Variants in AGBL1 observed in about 807,000 individuals in gnomAD.
AGBL1 encodes the protein AGBL carboxypeptidase 1.
In AGBL1, 130 loss-of-function variants were observed where a neutral mutation model predicts 118.9. The ratio of observed to expected loss-of-function variants is 1.09; its 90% confidence interval spans 0.95 to 1.26. The LOEUF is 1.26. AGBL1 is among the 50% of genes most tolerant of loss of function. AGBL1 has a pLI of 0.00. For missense variants in AGBL1, 1,584 were observed against 1,298.1 expected, an observed-to-expected ratio of 1.22 and a Z score of -3.38; for synonymous variants, 555 against 478.9, an observed-to-expected ratio of 1.16 and a Z score of -2.08.
intron 1 of AGBL1, among the ~76,000 whole-genome samples, chr15:86,114,631 C>T (rs533410639): frequency 1.3e-5 from 2 of 152,028 alleles, no homozygotes; most frequent in Non-Finnish European, 2.9e-5. Flanking sequence ...TTTTTTTCAC[C>T]GATGTCACAA....
chr15:86,754,221 T>C (rs1294681044), intron 22 of AGBL1, among the ~76,000 whole-genome samples: 1 of 152,176 alleles, frequency 6.6e-6, no homozygotes, highest in Non-Finnish European at 1.5e-5. Flanking sequence ...GGATTCGTGC[T>C]TACTCCAAGT....
At chr15:86,361,902 A>G (rs926490895) in intron 17 of AGBL1, among the ~76,000 whole-genome samples, 6 of 152,098 alleles carry the variant, frequency 3.9e-5, no homozygotes, top group Non-Finnish European at 8.8e-5. Context: ...TCATTCAGCC[A>G]TTCTATGTCT....
At chr15:86,480,237 GTAAC>G (rs1431875520) in intron 18 of AGBL1, among the ~76,000 whole-genome samples, 1 of 152,038 alleles carries the variant, frequency 6.6e-6, no homozygotes. Context: ...ATAAAAAAGA[GTAAC>G]TATGTGAAGT....
intron 5 of AGBL1, among the ~76,000 whole-genome samples, chr15:86,189,861 G>C (rs896602863): frequency 6.6e-6 from 1 of 152,190 alleles, no homozygotes; most frequent in Non-Finnish European, 1.5e-5. Flanking sequence ...TTTGTAGAGA[G>C]CATGTATATC....
At chr15:86,452,964 A>G (rs1264347727) in intron 18 of AGBL1, among the ~76,000 whole-genome samples, 1 of 152,144 alleles carries the variant, frequency 6.6e-6, no homozygotes, top group African/African-American at 2.4e-5. Context: ...ATTGTCTGAT[A>G]TTATAAAGTG....
At chr15:86,906,512 C>T (rs1384552611) in intron 22 of AGBL1, among the ~76,000 whole-genome samples, 1 of 152,166 alleles carries the variant, frequency 6.6e-6, no homozygotes, top group Non-Finnish European at 1.5e-5. Flanking sequence ...CTACTATAAA[C>T]CATTCATCAT....
chr15:86,924,001 A>G (rs573064733), intron 23 of AGBL1, among the ~76,000 whole-genome samples: 166 of 152,384 alleles, frequency 1.1e-3, no homozygotes, highest in African/African-American at 3.6e-3. Context: ...TAGCATATAT[A>G]CATACAAAAG....
intron 18 of AGBL1, among the ~76,000 whole-genome samples, chr15:86,399,035 T>C (rs1051991462): frequency 2.0e-5 from 3 of 152,110 alleles, no homozygotes; most frequent in Admixed American, 1.3e-4. Context: ...GCAGAGAATG[T>C]TGGGCAGAGA....
intron 22 of AGBL1, among the ~76,000 whole-genome samples, chr15:86,781,151 A>AT (rs941750673): frequency 2.6e-5 from 4 of 151,808 alleles, no homozygotes; most frequent in African/African-American, 4.8e-5. Context: ...ATAGAGATGA[A>AT]TTTTTTTTCA....
chr15:86,770,268 T>C (rs1451438107), intron 22 of AGBL1, among the ~76,000 whole-genome samples: 4 of 151,940 alleles, frequency 2.6e-5, no homozygotes, highest in African/African-American at 9.7e-5. Context: ...GTGGAACAGA[T>C]ACATAAATAA....
In AGBL1 at chr15:86,090,106, C is replaced by T. The variant is rs376483337; in HGVS notation, c.51+10083C>T. ...CAACAATCCTATGAGGAATATATGGCTACTTTCCCCATTTTATAGATAAAG... is the reference window on the plus strand; with the variant it reads ...CAACAATCCTATGAGGAATATATGGTTACTTTCCCCATTTTATAGATAAAG... On this transcript the variant is annotated intron_variant, in intron 1 of 22. Coordinates refer to ENST00000614907, the MANE Select transcript of AGBL1 (RefSeq NM_001386094.1). Among the ~76,000 whole-genome samples, 16 of 152,308 alleles carry T rather than the reference C, an allele frequency of 1.1e-4. No individual in the cohort carries two copies. The East Asian group carries it at 2.9e-3, about 28-fold the overall frequency.
At chr15:86,865,275 G>T (rs2079610176) in intron 22 of AGBL1, among the ~76,000 whole-genome samples, 1 of 152,178 alleles carries the variant, frequency 6.6e-6, no homozygotes, top group South Asian at 2.1e-4. Flanking sequence ...TATAGAAGAG[G>T]AATCAGAAAA....
chr15:86,305,660 C>A (rs1427233118), intron 17 of AGBL1, among the ~76,000 whole-genome samples: 2 of 152,140 alleles, frequency 1.3e-5, no homozygotes, highest in African/African-American at 4.8e-5. Context: ...TATTACTACT[C>A]CTCAGACAAT....
intron 22 of AGBL1, among the ~76,000 whole-genome samples, chr15:86,798,756 G>C (rs1001819297): frequency 2.7e-5 from 4 of 149,304 alleles, no homozygotes; most frequent in Non-Finnish European, 5.9e-5. Flanking sequence ...CTAGGTTGAG[G>C]AGCCCAGAGT....
chr15:86,936,288 G>A (rs951227240), intron 23 of AGBL1, among the ~76,000 whole-genome samples: 2 of 152,070 alleles, frequency 1.3e-5, no homozygotes, highest in African/African-American at 4.8e-5. Flanking sequence ...GAAAGAGAGA[G>A]AGAACAACAG....
At chr15:86,265,431 C>T (rs1444418862) in intron 11 of AGBL1, among the ~76,000 whole-genome samples, 1 of 152,108 alleles carries the variant, frequency 6.6e-6, no homozygotes, top group Non-Finnish European at 1.5e-5. Flanking sequence ...GAGCTTTACC[C>T]ATGGCTCAGC....
intron 23 of AGBL1, among the ~76,000 whole-genome samples, chr15:86,929,481 T>C (rs1316240656): frequency 6.6e-6 from 1 of 152,230 alleles, no homozygotes; most frequent in Non-Finnish European, 1.5e-5. Context: ...TGAATCTACC[T>C]GTGAATTTTC....
rs367988478 is a variant in AGBL1 at position 86,452,722 on chromosome 15, C to T, written c.2555+55176C>T. ...GAATGAAACAAAATATTCCCTAAGA[C>T]GTGATCCTGCTGCCCTTCTGCCCTC... On this transcript the variant is annotated intron_variant, in intron 18 of 22. Coordinates refer to ENST00000614907, the MANE Select transcript of AGBL1 (RefSeq NM_001386094.1). Among the ~76,000 whole-genome samples the T allele has an allele frequency of 1.1e-4, 17 of 152,262 alleles. No individual in the cohort carries two copies. In the East Asian group the frequency reaches 2.5e-3, roughly 23 times the overall value.
intron 5 of AGBL1, among the ~76,000 whole-genome samples, chr15:86,182,233 T>TTCTCCC (rs142545229): frequency 0.012 from 1,876 of 152,096 alleles, 22 homozygotes; most frequent in East Asian, 0.057. Flanking sequence ...CTTGTCCACT[T>TTCTCCC]TTGTTCTCCC....
Sources: gnomAD v4.1 joint callset for allele counts (sites outside exome capture counted in the v4.1 genomes callset) on GRCh38, gnomAD v4.1.1 for gene constraint, MANE v1.5 for transcripts, NCBI Gene and HGNC (gene_info 2026-07-23, HGNC 2026-07-21) for gene names.